The following CHST11 variants were observed in gnomAD, a reference collection of about 807,000 sequenced individuals.
CHST11 encodes carbohydrate sulfotransferase 11.
A neutral mutation model predicts 30.4 loss-of-function variants in CHST11; 9 were observed. The observed-to-expected ratio is 0.30, with a 90% CI of 0.18 to 0.52. The LOEUF is 0.52. Ranked by LOEUF, CHST11 falls within the 20% of genes least tolerant of loss-of-function variation. CHST11 has a pLI of 0.97. For missense variants in CHST11, 348 were observed against 460.6 expected, an observed-to-expected ratio of 0.76 and a Z score of 2.24; for synonymous variants, 152 against 187.8, an observed-to-expected ratio of 0.81 and a Z score of 1.56.
chr12:104,682,861 C>T (rs1008033565), intron 2 of CHST11, among the ~76,000 whole-genome samples: 1 of 152,194 alleles, frequency 6.6e-6, no homozygotes, highest in East Asian at 1.9e-4. Flanking sequence ...TGCTCCTGGC[C>T]TTAATGAGCC....
At chr12:104,672,770 A>C (rs541989270) in intron 2 of CHST11, among the ~76,000 whole-genome samples, 51 of 152,300 alleles carry the variant, frequency 3.3e-4, no homozygotes, top group Non-Finnish European at 5.0e-4. Context: ...ACACTTTCCA[A>C]GCCAAGAGCC....
At chr12:104,547,380 G>T in intron 1 of CHST11, among the ~76,000 whole-genome samples, 1 of 152,300 alleles carries the variant, frequency 6.6e-6, no homozygotes, top group Admixed American at 6.5e-5. Context: ...AAGATTTTCC[G>T]TTCAGGTTGT....
intron 2 of CHST11, among the ~76,000 whole-genome samples, chr12:104,732,478 C>T (rs916297244): frequency 2.0e-5 from 3 of 152,202 alleles, no homozygotes; most frequent in Admixed American, 6.5e-5. Context: ...TTTAAAAATT[C>T]ACCTTTCATC....
At chr12:104,461,259 T>A (rs2037405172) in intron 1 of CHST11, among the ~76,000 whole-genome samples, 1 of 152,220 alleles carries the variant, frequency 6.6e-6, no homozygotes, top group African/African-American at 2.4e-5. Context: ...TGGAGAAGGT[T>A]GGTCTTGTTT....
chr12:104,705,820 C>T (rs2040027572), intron 2 of CHST11, among the ~76,000 whole-genome samples: 1 of 151,994 alleles, frequency 6.6e-6, no homozygotes, highest in Non-Finnish European at 1.5e-5. Context: ...ACTCAGGAGG[C>T]TGAGGCAGAG....
intron 1 of CHST11, among the ~76,000 whole-genome samples, chr12:104,597,917 A>G: frequency 6.6e-6 from 1 of 152,180 alleles, no homozygotes; most frequent in East Asian, 1.9e-4. Flanking sequence ...TGTCTAAGGC[A>G]GAATTCTGTC....
At chr12:104,505,907 T>C (rs2037900102) in intron 1 of CHST11, among the ~76,000 whole-genome samples, 1 of 152,206 alleles carries the variant, frequency 6.6e-6, no homozygotes. Flanking sequence ...ATCTCTGTGA[T>C]GGTGAGTTAT....
At chr12:104,469,782 C>A (rs576850192) in intron 1 of CHST11, among the ~76,000 whole-genome samples, 1 of 152,312 alleles carries the variant, frequency 6.6e-6, no homozygotes, top group Admixed American at 6.5e-5. Context: ...GACTCCATAA[C>A]CCTGATCTGG....
At chr12:104,736,273 T>G (rs918365241) in intron 2 of CHST11, among the ~76,000 whole-genome samples, 2 of 152,018 alleles carry the variant, frequency 1.3e-5, no homozygotes, top group African/African-American at 4.8e-5. Flanking sequence ...AACAGGACAT[T>G]CACTGCCCTG....
At chr12:104,561,958 G>C (rs2136017160) in intron 1 of CHST11, among the ~76,000 whole-genome samples, 1 of 152,160 alleles carries the variant, frequency 6.6e-6, no homozygotes, top group East Asian at 1.9e-4. Context: ...GGAAGTCAGA[G>C]GAGGGATTGG....
At chr12:104,737,052 A>G (rs77473186) in intron 2 of CHST11, among the ~76,000 whole-genome samples, 7,365 of 152,302 alleles carry the variant, frequency 0.048, 657 homozygotes, top group East Asian at 0.34. Context: ...GATGATCTTT[A>G]TGGGATATTC....
intron 1 of CHST11, among the ~76,000 whole-genome samples, chr12:104,535,036 G>T (rs1317534981): frequency 6.6e-6 from 1 of 152,292 alleles, no homozygotes; most frequent in African/African-American, 2.4e-5. Flanking sequence ...AAAGATTCTG[G>T]CTAGAAGATG....
chr12:104,557,887 G>C (rs1444060055), intron 1 of CHST11, among the ~76,000 whole-genome samples: 1 of 152,082 alleles, frequency 6.6e-6, no homozygotes, highest in Non-Finnish European at 1.5e-5. Flanking sequence ...AAGCCTTCGT[G>C]GGGGTGTAGG....
chr12:104,631,942 G>A (rs764938931), intron 2 of CHST11, among the ~76,000 whole-genome samples: 2 of 152,098 alleles, frequency 1.3e-5, no homozygotes, highest in African/African-American at 4.8e-5. Flanking sequence ...CTTGTACTCC[G>A]CTCTGATGAA....
At chr12:104,702,258 C>T (rs771396043) in intron 2 of CHST11, among the ~76,000 whole-genome samples, 1 of 152,184 alleles carries the variant, frequency 6.6e-6, no homozygotes, top group Non-Finnish European at 1.5e-5. Flanking sequence ...ATAATAATAG[C>T]TAACAATTAC....
chr12:104,618,284 C>T (rs148891323), intron 2 of CHST11, among the ~76,000 whole-genome samples: 1,680 of 146,016 alleles, frequency 0.012, 31 homozygotes, highest in African/African-American at 0.04. Flanking sequence ...AGTGCAGTGG[C>T]GCGATCATGG....
chr12:104,516,046 G>T (rs2038019448), intron 1 of CHST11, among the ~76,000 whole-genome samples: 1 of 152,226 alleles, frequency 6.6e-6, no homozygotes, highest in Non-Finnish European at 1.5e-5. Context: ...TAGTGCAGTG[G>T]TTAAGAGAAG....
chr12:104,529,423 C>T (rs2038158977), intron 1 of CHST11, among the ~76,000 whole-genome samples: 1 of 152,166 alleles, frequency 6.6e-6, no homozygotes, highest in African/African-American at 2.4e-5. Flanking sequence ...TAAATAAGAT[C>T]ATGCATGTAA....
At chr12:104,582,418 A>C (rs566423294) in intron 1 of CHST11, among the ~76,000 whole-genome samples, 1 of 152,220 alleles carries the variant, frequency 6.6e-6, no homozygotes, top group African/African-American at 2.4e-5. Flanking sequence ...GAAGACTTTG[A>C]TGTCAGCATT....
Sources: gnomAD v4.1 joint callset for allele counts (sites outside exome capture counted in the v4.1 genomes callset) on GRCh38, gnomAD v4.1.1 for gene constraint, MANE v1.5 for transcripts, NCBI Gene and HGNC (gene_info 2026-07-23, HGNC 2026-07-21) for gene names.